The following TUBGCP3 variants were observed in gnomAD, a reference collection of about 807,000 sequenced individuals.
The protein encoded by TUBGCP3 is gamma-tubulin complex component 3.
Under a neutral mutation model 123.1 loss-of-function variants are expected in TUBGCP3, and 50 were observed. The ratio of observed to expected loss-of-function variants is 0.41; its 90% CI spans 0.32 to 0.51. TUBGCP3 has a LOEUF of 0.51. Ranked by LOEUF, TUBGCP3 falls within the 20% of genes least tolerant of loss-of-function variation. The pLI is 0.36. For missense variants in TUBGCP3, 882 were observed against 1,127.0 expected (o/e 0.78, Z 3.11); for synonymous variants, 405 against 413.9 (o/e 0.98, Z 0.26).
In TUBGCP3 at chr13:112,532,188, G is replaced by C. The variant is rs186144862; in HGVS notation, c.1336-4704C>G. ...ACCAGGGGAATGGGTAAATTGGTCA[G>C]ATTCTCTGTACAACAAAGGATAATT... On this transcript the variant is annotated intron_variant, in intron 11 of 21. Coordinates refer to ENST00000261965, the MANE Select transcript of TUBGCP3 (RefSeq NM_006322.6). Among the ~76,000 whole-genome samples the C allele has an allele frequency of 8.3e-3, 1,265 of 152,320 alleles. 12 individuals are homozygous for C. The highest frequency in any genetic ancestry group is 0.014 in the Non-Finnish European group (945 of 68,028).
chr13:112,507,403 G>A (rs1881376605), intron 17 of TUBGCP3, among the ~76,000 whole-genome samples: 1 of 152,200 alleles, frequency 6.6e-6, no homozygotes, highest in Non-Finnish European at 1.5e-5. Context: ...TTCAGAGAAG[G>A]TTGAAGCTGA....
In TUBGCP3 at chr13:112,520,037, A is replaced by T. The variant is rs759143690; in HGVS notation, c.1746-16T>A. The T allele has an allele frequency of 2.5e-6, 4 of 1,601,214 alleles. No homozygotes were observed. The South Asian group carries it at 3.4e-5, about 14-fold the overall frequency. ...AAGTTCTGGTCTTAACAAATTTTTT[A>T]AAAATTAAAGAAAATATTACTTCAA... On this transcript the variant is annotated splice_polypyrimidine_tract_variant and intron_variant, in intron 14 of 21. Transcript: ENST00000261965.
chr13:112,491,453 C>T (rs370948106), intron 20 of TUBGCP3, among the ~76,000 whole-genome samples: 2 of 152,294 alleles, frequency 1.3e-5, no homozygotes, highest in East Asian at 1.9e-4. Flanking sequence ...CTGCGTGGTC[C>T]TCACTGTGCC....
chr13:112,543,105 G>A (rs1878664248), intron 11 of TUBGCP3, among the ~76,000 whole-genome samples: 4 of 152,240 alleles, frequency 2.6e-5, no homozygotes, highest in African/African-American at 9.6e-5. Flanking sequence ...AGCTGAGATC[G>A]CGCCACTGCA....
At chr13:112,576,493 C>A (rs1399443153) in intron 1 of TUBGCP3, among the ~76,000 whole-genome samples, 1 of 152,056 alleles carries the variant, frequency 6.6e-6, no homozygotes, top group Non-Finnish European at 1.5e-5. Flanking sequence ...GGTTTTCTCA[C>A]CACACACACA....
At chr13:112,526,815 T>A in intron 13 of TUBGCP3, 127 bp downstream of exon 13, 1 of 693,126 alleles carries the variant, frequency 1.4e-6, no homozygotes, top group Non-Finnish European at 2.5e-6. Context: ...ATCACCATCA[T>A]CCCCATCATC....
rs1053611594 is a variant in TUBGCP3 at position 112,504,547 on chromosome 13, C to T, written c.2175+79G>A. On this transcript the variant is annotated intron_variant, in intron 18 of 21. Coordinates refer to ENST00000261965, the MANE Select transcript of TUBGCP3 (RefSeq NM_006322.6). ...ACATATATATACACACATACATACACATATATATATATATATACCATGTAA... is the reference window on the plus strand; with the variant it reads ...ACATATATATACACACATACATACATATATATATATATATATACCATGTAA... The T allele has an allele frequency of 2.9e-4, 252 of 869,486 alleles. 1 individual carries two copies. The highest frequency in any genetic ancestry group is 1.6e-3 in the South Asian group (94 of 59,358). The allele number at this position is 869,486 out of a possible 1,614,324, so 53.9% of individuals were successfully genotyped here. A position where few individuals can be genotyped will look rare whatever the true frequency, so the allele number is the denominator to read the frequency against.
chr13:112,522,609 G>T, intron 13 of TUBGCP3, 100 bp from the exon 14 acceptor site: 2 of 1,184,934 alleles, frequency 1.7e-6, no homozygotes, highest in Non-Finnish European at 2.4e-6. Context: ...GCCAACCACT[G>T]CCTGTGGCAT....
At chr13:112,598,720 G>A in the TUBGCP3 span, among the ~76,000 whole-genome samples, 3 of 152,002 alleles carry the variant, frequency 2.0e-5, no homozygotes, top group African/African-American at 7.3e-5. Context: ...TGAGGTGGGC[G>A]GATCGTGAGG....
intron 17 of TUBGCP3, among the ~76,000 whole-genome samples, chr13:112,512,924 T>C (rs1881767861): frequency 6.6e-6 from 1 of 152,226 alleles, no homozygotes; most frequent in South Asian, 2.1e-4. Flanking sequence ...TACTTCTGAA[T>C]CAGACTTCTA....
At chr13:112,504,528 A>G (rs762808325) in intron 18 of TUBGCP3, 98 bp downstream of exon 18, 14 of 841,874 alleles carry the variant, frequency 1.7e-5, no homozygotes, top group African/African-American at 4.0e-5. Flanking sequence ...ATACACATAT[A>G]TATACACACA....
intron 11 of TUBGCP3, among the ~76,000 whole-genome samples, chr13:112,541,273 GGCTCTC>G (rs1258177570): frequency 1.3e-5 from 2 of 152,194 alleles, no homozygotes; most frequent in African/African-American, 4.8e-5. Context: ...CAGGCGTGGT[GGCTCTC>G]GCCTGTAATC....
intron 4 of TUBGCP3, 91 bp downstream of exon 4, chr13:112,559,231 G>C (rs1477395485): frequency 1.2e-5 from 12 of 1,024,836 alleles, no homozygotes; most frequent in Non-Finnish European, 1.8e-5. Flanking sequence ...TGCTTTCCTA[G>C]CATTATTTTC....
the TUBGCP3 span, among the ~76,000 whole-genome samples, chr13:112,597,129 G>T: frequency 6.6e-6 from 1 of 152,188 alleles, no homozygotes; most frequent in African/African-American, 2.4e-5. Context: ...ACAAAAATTG[G>T]AGTTTATGGC....
intron 20 of TUBGCP3, among the ~76,000 whole-genome samples, chr13:112,496,365 G>A (rs771137763): frequency 6.6e-6 from 1 of 152,238 alleles, no homozygotes; most frequent in Non-Finnish European, 1.5e-5. Flanking sequence ...GGGTGCAGCA[G>A]GCGGGCGCCG....
chr13:112,485,834 C>T lies in TUBGCP3; in HGVS notation c.*159G>A, dbSNP rs1347255731. The T allele has an allele frequency of 6.6e-6, 5 of 758,364 alleles. No homozygotes were observed. Among genetic ancestry groups the T allele is most frequent in the Non-Finnish European group, 8.4e-6 (4 of 475,240 alleles). The allele number at this position is 758,364 out of a possible 1,614,324, so 47.0% of individuals were successfully genotyped here. A position where few individuals can be genotyped will look rare whatever the true frequency, so the allele number is the denominator to read the frequency against. On this transcript the variant is annotated 3_prime_UTR_variant, in exon 22 of 22. Transcript: ENST00000261965. The stretch of plus-strand genomic sequence containing the variant: ...TTCGACTCCGACATGTGAAACACGA[C>T]GTGGCTTCTCCCACACGCCGCTCCG...
chr13:112,506,571 T>C (rs1594118583), intron 17 of TUBGCP3, among the ~76,000 whole-genome samples: 1 of 152,312 alleles, frequency 6.6e-6, no homozygotes, highest in Middle Eastern at 3.4e-3. Flanking sequence ...GGGGCTCCTG[T>C]AGCACAGCGT....
chr13:112,600,987 A>C, the TUBGCP3 span, among the ~76,000 whole-genome samples: 1 of 152,126 alleles, frequency 6.6e-6, no homozygotes, highest in African/African-American at 2.4e-5. Flanking sequence ...CAGGGGTTCA[A>C]GACCAGCCTG....
chr13:112,548,914 G>C (rs972003871), intron 8 of TUBGCP3, among the ~76,000 whole-genome samples: 1 of 152,196 alleles, frequency 6.6e-6, no homozygotes, highest in Non-Finnish European at 1.5e-5. Flanking sequence ...AACCATTGTG[G>C]AAGACAGTGT....
Sources: allele counts gnomAD v4.1 joint callset (sites outside exome capture counted in the v4.1 genomes callset), GRCh38; gene constraint gnomAD v4.1.1; transcripts MANE v1.5; gene names NCBI Gene and HGNC (gene_info 2026-07-23, HGNC 2026-07-21).